UQCC1: variants seen among roughly 807,000 people sequenced by gnomAD.
UQCC1 encodes bFGF-repressed Zic-binding protein.
Under a neutral mutation model 48.0 loss-of-function variants are expected in UQCC1, and 38 were observed. That is an observed-to-expected ratio of 0.79 (90% CI 0.61 to 1.04). UQCC1 has a LOEUF of 1.04. Among genes scored for constraint, UQCC1 ranks in the 50% least tolerant of loss-of-function variants. UQCC1 has a pLI of 0.00. For missense variants in UQCC1, 368 were observed against 381.8 expected (o/e 0.96, Z 0.30); for synonymous variants, 111 against 129.2 (o/e 0.86, Z 0.95).
At chr20:35,396,742 G>A (rs2062084296) in intron 1 of UQCC1, among the ~76,000 whole-genome samples, 1 of 152,186 alleles carries the variant, frequency 6.6e-6, no homozygotes, top group Admixed American at 6.6e-5. Flanking sequence ...CTAGGCTGGA[G>A]AAAGGGATAG....
At chr20:35,325,505 A>G (rs1285080178) in intron 7 of UQCC1, among the ~76,000 whole-genome samples, 1 of 152,222 alleles carries the variant, frequency 6.6e-6, no homozygotes, top group Non-Finnish European at 1.5e-5. Flanking sequence ...GATGTTCCTC[A>G]CCAGACTATA....
chr20:35,333,148 G>A (rs2061276274), intron 7 of UQCC1, among the ~76,000 whole-genome samples: 1 of 151,676 alleles, frequency 6.6e-6, no homozygotes, highest in Non-Finnish European at 1.5e-5. Flanking sequence ...TTTGAAATCC[G>A]TCAGCTCTGG....
intron 6 of UQCC1, among the ~76,000 whole-genome samples, chr20:35,357,242 C>G (rs1195063883): frequency 6.6e-6 from 1 of 152,052 alleles, no homozygotes; most frequent in African/African-American, 2.4e-5. Context: ...AAAATTAGGC[C>G]GGGCGCAGTG....
At chr20:35,313,887 C>T (rs1435972156) in intron 8 of UQCC1, among the ~76,000 whole-genome samples, 1 of 152,112 alleles carries the variant, frequency 6.6e-6, no homozygotes, top group African/African-American at 2.4e-5. Context: ...GGATTACAGG[C>T]GTGAGCCACT....
chr20:35,400,312 CTAATA>C (rs2062144637), intron 1 of UQCC1, among the ~76,000 whole-genome samples: 1 of 152,044 alleles, frequency 6.6e-6, no homozygotes, highest in South Asian at 2.1e-4. Context: ...TCTTAAGGTA[CTAATA>C]TATTAGGCCT....
intron 7 of UQCC1, 186 bp downstream of exon 7, chr20:35,346,978 A>G (rs761841249): frequency 1.3e-6 from 2 of 1,530,820 alleles, no homozygotes; most frequent in Non-Finnish European, 1.8e-6. Flanking sequence ...GTACAAACAC[A>G]TAAAGTATCT....
chr20:35,332,810 G>A (rs973002814), intron 7 of UQCC1, among the ~76,000 whole-genome samples: 1 of 152,208 alleles, frequency 6.6e-6, no homozygotes, highest in African/African-American at 2.4e-5. Flanking sequence ...GAGCAAAGTT[G>A]AGCCTGGAAA....
At chr20:35,392,256 C>G (rs1417360423) in intron 2 of UQCC1, 2 of 1,304,228 alleles carry the variant, frequency 1.5e-6, no homozygotes, top group East Asian at 1.1e-4. Context: ...CATTCTGAAG[C>G]AGAAGTTTCC....
chr20:35,383,249 C>T (rs1236414532), intron 3 of UQCC1, among the ~76,000 whole-genome samples: 3 of 152,142 alleles, frequency 2.0e-5, no homozygotes, highest in Non-Finnish European at 4.4e-5. Context: ...AATGTTAACC[C>T]TCTCCAAGCA....
At chr20:35,366,421 T>C (rs2146439908) in intron 6 of UQCC1, 136 bp downstream of exon 6, 1 of 699,100 alleles carries the variant, frequency 1.4e-6, no homozygotes. Context: ...ACACCAGTTA[T>C]TAAAATGAAA....
rs1172467457 is a variant in UQCC1 at position 35,338,856 on chromosome 20, GAAAAAAAAA to G, written c.573+8299_573+8307del. 4.1e-4 allele frequency among the ~76,000 whole-genome samples: 11 copies of G among 26,840 alleles called. No homozygotes were observed. The East Asian group carries it at 7.1e-3, about 17-fold the overall frequency. The allele number at this position is 26,840 out of a possible 152,430, so 17.6% of individuals were successfully genotyped here. ...GAGAAAGCAAGACTCCGTCTCAAAA[GAAAAAAAAA>G]AAAAAAAAAAAAAAAAAAAAAAAAA... On this transcript the variant is annotated intron_variant, in intron 7 of 9. Coordinates refer to ENST00000374385, the MANE Select transcript of UQCC1 (RefSeq NM_018244.5).
At chr20:35,405,495 C>A (rs1482509175) in intron 1 of UQCC1, among the ~76,000 whole-genome samples, 2 of 152,120 alleles carry the variant, frequency 1.3e-5, no homozygotes, top group Non-Finnish European at 2.9e-5. Flanking sequence ...AAAATGCAAT[C>A]AATAGAAACT....
In UQCC1 at chr20:35,411,225, T is replaced by C. The variant is rs532480545; in HGVS notation, c.24+715A>G. On this transcript the variant is annotated intron_variant, in intron 1 of 9. Coordinates refer to ENST00000374385, the MANE Select transcript of UQCC1 (RefSeq NM_018244.5). ...CCTTTAATTGCTAGAGAAAAGAGTA[T>C]GCTAGAAGGGTCAGGACTAAATCTC... is the stretch of plus-strand genomic sequence containing the variant. Among the ~76,000 whole-genome samples the C allele has an allele frequency of 6.6e-5, 10 of 152,320 alleles. No homozygotes were observed. The South Asian group carries it at 1.2e-3, about 19-fold the overall frequency.
chr20:35,402,452 C>T (rs2062178548), intron 1 of UQCC1, among the ~76,000 whole-genome samples: 2 of 151,938 alleles, frequency 1.3e-5, no homozygotes, highest in South Asian at 4.2e-4. Flanking sequence ...GTGGTGGGCG[C>T]CTGTAGTCCC....
intron 4 of UQCC1, 59 bp from the exon 5 acceptor site, chr20:35,374,315 T>A: frequency 7.7e-7 from 1 of 1,299,330 alleles, no homozygotes; most frequent in Non-Finnish European, 1.1e-6. Context: ...TCTACTTCCA[T>A]TAGACATGGG....
chr20:35,338,880 A>ATATAT (rs1568666082), intron 7 of UQCC1, among the ~76,000 whole-genome samples: 1 of 60,496 alleles, frequency 1.7e-5, no homozygotes, highest in African/African-American at 2.2e-4. Context: ...AAAAAAAAAA[A>ATATAT]AAAAAAAAAA....
chr20:35,407,760 C>T (rs1307646332), intron 1 of UQCC1, among the ~76,000 whole-genome samples: 1 of 152,126 alleles, frequency 6.6e-6, no homozygotes, highest in Non-Finnish European at 1.5e-5. Flanking sequence ...TGGTGGCTCA[C>T]GCCTGTAATC....
intron 7 of UQCC1, among the ~76,000 whole-genome samples, chr20:35,338,884 A>ATATATATATATATATATATAT (rs1568666124): frequency 1.7e-5 from 1 of 59,272 alleles, no homozygotes; most frequent in African/African-American, 2.2e-4. Flanking sequence ...AAAAAAAAAA[A>ATATATATATATATATATATAT]AAAAAAAAAT....
chr20:35,320,475 G>C (rs2061111383), intron 7 of UQCC1, among the ~76,000 whole-genome samples: 2 of 152,108 alleles, frequency 1.3e-5, no homozygotes, highest in South Asian at 4.1e-4. Context: ...ATAGACACTG[G>C]AAGGAATGTA....
Sources: gnomAD v4.1 joint callset for allele counts (sites outside exome capture counted in the v4.1 genomes callset) on GRCh38, gnomAD v4.1.1 for gene constraint, MANE v1.5 for transcripts, NCBI Gene and HGNC (gene_info 2026-07-23, HGNC 2026-07-21) for gene names.